The following FMN2 variants were observed in gnomAD, a reference collection of about 807,000 sequenced individuals.
FMN2 encodes the protein formin 2.
A neutral mutation model predicts 142.3 loss-of-function variants in FMN2; 51 were observed. That is an observed-to-expected ratio of 0.36 (90% CI 0.29 to 0.45). The LOEUF (loss-of-function observed/expected upper bound fraction) is 0.45, where lower values mean the gene tolerates loss of function less well. Ranked by LOEUF, FMN2 falls within the 20% of genes least tolerant of loss-of-function variation. The pLI, the probability that FMN2 is intolerant of heterozygous loss-of-function variation, is 1.00. For synonymous variants in FMN2, 882 were observed against 869.8 expected (o/e 1.01, Z -0.25); for missense variants, 1,936 against 2,122.8 (o/e 0.91, Z 1.73).
chr1:240,401,423 G>T (rs141272027), intron 15 of FMN2, among the ~76,000 whole-genome samples: 1 of 152,114 alleles, frequency 6.6e-6, no homozygotes, highest in South Asian at 2.1e-4. Flanking sequence ...GCCCTTTGAC[G>T]TTGAGACAGA....
intron 13 of FMN2, among the ~76,000 whole-genome samples, chr1:240,348,083 C>A (rs1423831983): frequency 6.6e-6 from 1 of 152,144 alleles, no homozygotes; most frequent in Non-Finnish European, 1.5e-5. Context: ...ATTGCTGGAT[C>A]GAATGCTAGT....
chr1:240,324,929 C>T (rs138407572), intron 8 of FMN2, among the ~76,000 whole-genome samples: 42 of 152,114 alleles, frequency 2.8e-4, no homozygotes, highest in Non-Finnish European at 5.0e-4. Context: ...TTCTAAGATG[C>T]GTCAAAAGCT....
At chr1:240,365,151 A>G (rs1020811360) in intron 14 of FMN2, among the ~76,000 whole-genome samples, 7 of 148,630 alleles carry the variant, frequency 4.7e-5, no homozygotes, top group Non-Finnish European at 5.9e-5. Context: ...ATATAGATAT[A>G]TACACATATA....
intron 7 of FMN2, among the ~76,000 whole-genome samples, chr1:240,278,034 C>CT (rs1296118264): frequency 6.6e-6 from 1 of 152,144 alleles, no homozygotes; most frequent in Non-Finnish European, 1.5e-5. Flanking sequence ...ATACTTTACA[C>CT]TTTTGAGATG....
intron 8 of FMN2, among the ~76,000 whole-genome samples, chr1:240,305,123 CGTT>C (rs372088769): frequency 1.0e-3 from 155 of 152,222 alleles, no homozygotes; most frequent in African/African-American, 3.4e-3. Flanking sequence ...TTTCTAAAGA[CGTT>C]GTCTGATAAT....
At chr1:240,177,361 C>CTTTTTTTTTTTT (rs201779468) in intron 2 of FMN2, among the ~76,000 whole-genome samples, 1 of 137,358 alleles carries the variant, frequency 7.3e-6, no homozygotes, top group Non-Finnish European at 1.6e-5. Flanking sequence ...CTATTCAATT[C>CTTTTTTTTTTTT]TTTTTTTTTT....
At chr1:240,332,228 G>A (rs1213510887) in intron 11 of FMN2, among the ~76,000 whole-genome samples, 1 of 151,246 alleles carries the variant, frequency 6.6e-6, no homozygotes, top group African/African-American at 2.4e-5. Flanking sequence ...TTTCATAGAA[G>A]TATCTACTAT....
chr1:240,270,715 T>C (rs1436995850), intron 7 of FMN2, among the ~76,000 whole-genome samples: 2 of 152,066 alleles, frequency 1.3e-5, no homozygotes, highest in Admixed American at 6.6e-5. Context: ...GAAGACATTA[T>C]GTTAAGTGAA....
intron 8 of FMN2, among the ~76,000 whole-genome samples, chr1:240,326,713 T>TA (rs1671182766): frequency 2.8e-5 from 2 of 72,154 alleles, no homozygotes; most frequent in South Asian, 9.8e-4. Flanking sequence ...GCAAGCTGGA[T>TA]TTTTTTTTTT....
chr1:240,360,550 A>G (rs1017970344), intron 14 of FMN2, among the ~76,000 whole-genome samples: 2 of 152,172 alleles, frequency 1.3e-5, no homozygotes, highest in East Asian at 1.9e-4. Flanking sequence ...GATGTACTCT[A>G]TCTTACAGAG....
intron 16 of FMN2, among the ~76,000 whole-genome samples, chr1:240,459,717 T>TAAAAAAAAAAAAAAAAAAA (rs57065226): frequency 1.5e-5 from 1 of 67,128 alleles, no homozygotes; most frequent in African/African-American, 5.1e-5. Context: ...ACTCTGTCTC[T>TAAAAAAAAAAAAAAAAAAA]AAAAAAAAAA....
At chr1:240,182,357 A>G (rs796252338) in intron 3 of FMN2, among the ~76,000 whole-genome samples, 60 of 152,346 alleles carry the variant, frequency 3.9e-4, no homozygotes, top group African/African-American at 1.4e-3. Context: ...GAGGAAACAG[A>G]GAACTGACTT....
intron 8 of FMN2, among the ~76,000 whole-genome samples, chr1:240,300,470 G>A (rs1458934668): frequency 3.3e-5 from 5 of 152,056 alleles, no homozygotes; most frequent in African/African-American, 4.8e-5. Flanking sequence ...TGTCACTACT[G>A]TTTTCTCTTT....
At chr1:240,144,233 T>G in intron 2 of FMN2, 1 of 1,567,880 alleles carries the variant, frequency 6.4e-7, no homozygotes, top group Non-Finnish European at 8.8e-7. Context: ...AAAAGCTGCA[T>G]TCACAAAGCC....
intron 7 of FMN2, among the ~76,000 whole-genome samples, chr1:240,288,225 G>A (rs115021893): frequency 5.9e-5 from 9 of 152,152 alleles, no homozygotes; most frequent in Non-Finnish European, 1.0e-4. Context: ...TGGAGGGAAG[G>A]GTCTGTCCAT....
In FMN2 at chr1:240,252,288, G is replaced by A. The variant is rs144800502; in HGVS notation, c.4066-5657G>A. On this transcript the variant is annotated intron_variant, in intron 6 of 17. Coordinates refer to ENST00000319653, the MANE Select transcript of FMN2 (RefSeq NM_020066.5). The stretch of plus-strand genomic sequence containing the variant: ...TATTGTTCATCATTGTGGTTTTGTA[G>A]TTTTCTATAGTGGCAACATTTGGAT... Among the ~76,000 whole-genome samples the A allele has an allele frequency of 3.2e-3, 491 of 152,106 alleles. 2 individuals carry two copies. Among genetic ancestry groups the A allele is most frequent in the Non-Finnish European group, 4.8e-3 (326 of 68,000 alleles).
At chr1:240,416,658 G>A (rs1209745380) in intron 15 of FMN2, among the ~76,000 whole-genome samples, 1 of 151,582 alleles carries the variant, frequency 6.6e-6, no homozygotes, top group Non-Finnish European at 1.5e-5. Context: ...ATTTAATCTT[G>A]CCTCATTTTC....
chr1:240,299,014 A>T (rs1182967850), intron 8 of FMN2, among the ~76,000 whole-genome samples: 1 of 151,434 alleles, frequency 6.6e-6, no homozygotes. Flanking sequence ...GCAGTGGCGC[A>T]GTCTTGGCCC....
intron 2 of FMN2, among the ~76,000 whole-genome samples, chr1:240,149,996 G>A (rs12406147): frequency 0.46 from 69,816 of 151,896 alleles, 17,278 homozygotes; most frequent in South Asian, 0.65. Context: ...ATGTATAAAT[G>A]CTAATGTTGA....
Sources: gnomAD v4.1 joint callset for allele counts (sites outside exome capture counted in the v4.1 genomes callset) on GRCh38, gnomAD v4.1.1 for gene constraint, MANE v1.5 for transcripts, NCBI Gene and HGNC (gene_info 2026-07-23, HGNC 2026-07-21) for gene names.